The following SHANK2 variants were observed in gnomAD, a reference collection of about 807,000 sequenced individuals.
The protein encoded by SHANK2 is SH3 and multiple ankyrin repeat domains protein 2.
SHANK2 carries 43 observed loss-of-function variants against 133.7 expected under a neutral mutation model. The ratio of observed to expected loss-of-function variants is 0.32; its 90% CI spans 0.25 to 0.41. The LOEUF (loss-of-function observed/expected upper bound fraction) is 0.41. SHANK2 is among the 10% of genes least tolerant of loss of function. The pLI is 1.00. For missense variants in SHANK2, 1,994 were observed against 2,235.8 expected (o/e 0.89, Z 2.18); for synonymous variants, 1,017 against 952.8 (o/e 1.07, Z -1.24).
chr11:71,073,863 G>A, intron 9 of SHANK2, among the ~76,000 whole-genome samples: 1 of 152,186 alleles, frequency 6.6e-6, no homozygotes, highest in Non-Finnish European at 1.5e-5. Context: ...CCCATCTCAT[G>A]ACTCTGATCT....
At chr11:70,818,290 C>T (rs1555054899) in intron 12 of SHANK2, among the ~76,000 whole-genome samples, 1 of 152,080 alleles carries the variant, frequency 6.6e-6, no homozygotes, top group African/African-American at 2.4e-5. Flanking sequence ...AATGCATGCA[C>T]ATACATACAC....
chr11:71,090,865 G>A (rs1590900616), intron 8 of SHANK2, among the ~76,000 whole-genome samples: 1 of 152,080 alleles, frequency 6.6e-6, no homozygotes, highest in South Asian at 2.1e-4. Context: ...TCTTTTTCTG[G>A]CAGAATTCCT....
chr11:70,906,852 T>C (rs530744582), intron 10 of SHANK2, among the ~76,000 whole-genome samples: 91 of 152,190 alleles, frequency 6.0e-4, no homozygotes, highest in African/African-American at 2.1e-3. Context: ...TTCAAGGGAA[T>C]CTCTGCCCAT....
intron 2 of SHANK2, among the ~76,000 whole-genome samples, chr11:71,222,830 G>A (rs1263461515): frequency 1.3e-5 from 2 of 152,246 alleles, no homozygotes; most frequent in Non-Finnish European, 2.9e-5. Flanking sequence ...ATGCATCCTT[G>A]TGACACCTTT....
chr11:71,062,527 T>C (rs1048574630), intron 9 of SHANK2, among the ~76,000 whole-genome samples: 16 of 152,100 alleles, frequency 1.1e-4, no homozygotes, highest in African/African-American at 3.6e-4. Context: ...TGCTCTGGGC[T>C]GTAACTGCAC....
chr11:70,846,974 G>C (rs1234248219), intron 11 of SHANK2, among the ~76,000 whole-genome samples: 2 of 152,216 alleles, frequency 1.3e-5, no homozygotes, highest in African/African-American at 4.8e-5. Context: ...ACGGGGACTG[G>C]CTGCTGCTCT....
Position 71,147,133 on chromosome 11 carries a change from T to A in SHANK2, c.194A>T (p.Asp65Val), listed in dbSNP as rs1555106839. 17 of 1,548,676 alleles carry A rather than the reference T, an allele frequency of 1.1e-5. No homozygotes were observed. Among genetic ancestry groups the A allele is most frequent in the Non-Finnish European group, 1.4e-5 (16 of 1,146,708 alleles). Residue 65 changes from aspartate (D) to valine (V), a missense_variant, in exon 3 of 26, where the codon GAC becomes GTC. Around this residue, in one of 5 missense-constraint regions of SHANK2, gnomAD observed 653 missense variants for 563.4 expected, o/e 1.16. Coordinates refer to ENST00000601538, the MANE Select transcript of SHANK2 (RefSeq NM_012309.5). Reference sequence around the variant, plus strand: ...CACGGGGCTCACCGTCTGCTGCAGGTCATGGATGACCACGCGGATCACCAG... The same window carrying A: ...CACGGGGCTCACCGTCTGCTGCAGGACATGGATGACCACGCGGATCACCAG... Reference protein sequence around the residue: ...NTLVIRVVIHDLQQTKCIRFN... With the variant: ...NTLVIRVVIHVLQQTKCIRFN...
Position 70,811,637 on chromosome 11 carries a change from TCATC to T in SHANK2, c.1494-4470_1494-4467del, listed in dbSNP as rs140137476. Among the ~76,000 whole-genome samples, 600 of 147,634 alleles carry T rather than the reference TCATC, an allele frequency of 4.1e-3. 3 individuals are homozygous for T. The highest frequency in any genetic ancestry group is 0.018 in the South Asian group (84 of 4,546). Reference sequence around the variant, plus strand: ...ATCTACCTATCCATCATCCATCCACTCATCCATCCATCCATCCATCCATCATCTA... The same window carrying T: ...ATCTACCTATCCATCATCCATCCACTCATCCATCCATCCATCCATCATCTA... On this transcript the variant is annotated intron_variant, in intron 12 of 25. Transcript: ENST00000601538.
intron 15 of SHANK2, among the ~76,000 whole-genome samples, chr11:70,695,440 A>G (rs2134465938): frequency 6.6e-6 from 1 of 152,350 alleles, no homozygotes; most frequent in East Asian, 1.9e-4. Context: ...AGCCAGACAC[A>G]AAAGACCACG....
chr11:71,081,809 G>T (rs1188879505), intron 8 of SHANK2, among the ~76,000 whole-genome samples: 2 of 152,218 alleles, frequency 1.3e-5, no homozygotes, highest in Admixed American at 6.5e-5. Context: ...CACTGTTGCG[G>T]CTCCAGACAC....
intron 11 of SHANK2, among the ~76,000 whole-genome samples, chr11:70,873,391 A>G (rs1213456362): frequency 6.6e-6 from 1 of 152,242 alleles, no homozygotes; most frequent in Non-Finnish European, 1.5e-5. Flanking sequence ...GACACTTTCA[A>G]TAGGCAAACA....
At chr11:70,777,645 T>C (rs1251215010) in intron 14 of SHANK2, among the ~76,000 whole-genome samples, 1 of 152,208 alleles carries the variant, frequency 6.6e-6, no homozygotes, top group Non-Finnish European at 1.5e-5. Context: ...GATTCTTGGC[T>C]CTCATGGAGG....
At chr11:71,182,745 G>A (rs1953584743) in intron 2 of SHANK2, among the ~76,000 whole-genome samples, 1 of 152,178 alleles carries the variant, frequency 6.6e-6, no homozygotes, top group African/African-American at 2.4e-5. Flanking sequence ...CATATTTTAT[G>A]GGGAGCGGGG....
chr11:70,745,880 G>A (rs536944861), intron 14 of SHANK2, among the ~76,000 whole-genome samples: 4 of 152,316 alleles, frequency 2.6e-5, no homozygotes, highest in South Asian at 2.1e-4. Context: ...CTGAGACCTC[G>A]AGCGAGCGTT....
At chr11:71,133,237 AATGGATGGATGGATGGATGG>A (rs533210236) in intron 3 of SHANK2, among the ~76,000 whole-genome samples, 3 of 109,062 alleles carry the variant, frequency 2.8e-5, no homozygotes, top group African/African-American at 3.7e-5. Flanking sequence ...TGCACAGATG[AATGGATGGATGGATGGATGG>A]ATGGATGGAT....
chr11:70,698,916 G>T, intron 14 of SHANK2, 153 bp from the exon 15 acceptor site: 2 of 689,618 alleles, frequency 2.9e-6, no homozygotes, highest in East Asian at 5.4e-5. Context: ...ATGAGGCCTG[G>T]TTCTGGGGCT....
In SHANK2 at chr11:70,769,597, A is replaced by T. The variant is rs145997285; in HGVS notation, c.1777+28846T>A. ...CTCTCTGAGCCTTCTGCGAGAGCACATGAAATGGCATGTGCGTGCATGCAC... is the reference window on the plus strand; with the variant it reads ...CTCTCTGAGCCTTCTGCGAGAGCACTTGAAATGGCATGTGCGTGCATGCAC... On this transcript the variant is annotated intron_variant, in intron 14 of 25. Transcript: ENST00000601538. Among the ~76,000 whole-genome samples the T allele has an allele frequency of 1.6e-3, 251 of 152,328 alleles. 3 individuals are homozygous for T. The highest frequency in any genetic ancestry group is 5.6e-3 in the African/African-American group (231 of 41,570).
intron 13 of SHANK2, among the ~76,000 whole-genome samples, chr11:70,800,889 C>T (rs1424267506): frequency 4.6e-5 from 7 of 152,214 alleles, no homozygotes; most frequent in South Asian, 4.1e-4. Flanking sequence ...CCTTCCTTCA[C>T]GGCTGTGAGG....
intron 11 of SHANK2, among the ~76,000 whole-genome samples, chr11:70,890,554 C>T (rs1720156390): frequency 1.3e-5 from 2 of 151,314 alleles, no homozygotes; most frequent in South Asian, 4.2e-4. Context: ...AATCCCAGTA[C>T]TTTGGGAGGC....
Sources: allele counts gnomAD v4.1 joint callset (sites outside exome capture counted in the v4.1 genomes callset), GRCh38; gene constraint gnomAD v4.1.1; regional missense constraint gnomAD v4.1.1; transcripts MANE v1.5; gene names NCBI Gene and HGNC (gene_info 2026-07-23, HGNC 2026-07-21).